Variants in DNAJC5 observed in about 807,000 individuals in gnomAD.
DNAJC5 encodes the protein DnaJ heat shock protein family (Hsp40) member C5, also known as dnaJ homolog subfamily C member 5.
Under a neutral mutation model 23.2 loss-of-function variants are expected in DNAJC5, and 1 was observed. The observed-to-expected ratio is 0.04, with a 90% CI of 0.02 to 0.20. DNAJC5 has a LOEUF of 0.20. DNAJC5 is among the 10% of genes least tolerant of loss of function. The probability of loss-of-function intolerance (pLI) is 1.00; values close to 1 mark genes in which losing one functional copy is unlikely to be tolerated. For synonymous variants in DNAJC5, 136 were observed against 120.0 expected, an observed-to-expected ratio of 1.13 and a Z score of -0.87; for missense variants, 180 against 267.0, an observed-to-expected ratio of 0.67 and a Z score of 2.27.
Position 63,931,020 on chromosome 20 carries a change from G to A in DNAJC5, c.491G>A (p.Arg164Lys), listed in dbSNP as rs762961919. Residue 164 changes from arginine to lysine, a missense_variant and splice_region_variant, in exon 4 of 5, where the codon AGG becomes AAG. Arg to Lys is a conservative substitution (Grantham distance 26, BLOSUM62 2). Around this residue, in one of 3 missense-constraint regions of DNAJC5, gnomAD observed 97 missense variants for 123.4 expected, o/e 0.79. Coordinates refer to ENST00000360864, the MANE Select transcript of DNAJC5 (RefSeq NM_025219.3). The surrounding 1 kb of genome is among the most constrained non-coding windows in gnomAD (Gnocchi z 9.6). ...GAGGCACAGCTGCAGTCTGACGAGA[G>A]GGGTGAGTGCCCGCCCCAGGGCCCG... ...DLEAQLQSDE[R>K]EATDTPIVIQ... The A allele has an allele frequency of 8.1e-6, 13 of 1,613,874 alleles. No homozygotes were observed. In the South Asian group the frequency reaches 1.1e-4, roughly 14 times the overall value.
rs1184394386 is a variant in DNAJC5, at chr20:63,928,647, C to T, written c.107+195C>T. ...CTTAAAGTTATGGTATTCATGTTCT[C>T]TTGCCAACAAAAAATAGCACTTAGT... is the stretch of plus-strand genomic sequence containing the variant. On this transcript the variant is annotated intron_variant, in intron 2 of 4. Coordinates refer to ENST00000360864, the MANE Select transcript of DNAJC5 (RefSeq NM_025219.3). This position sits in a 1 kb window ranked among gnomAD's most constrained non-coding sequence, Gnocchi z 4.6. Among the ~76,000 whole-genome samples, 1 of 152,202 alleles carries T rather than the reference C, an allele frequency of 6.6e-6. No homozygotes were observed. The highest frequency in any genetic ancestry group is 1.9e-4 in the East Asian group (1 of 5,194).
chr20:63,916,727 C>A (rs978729863), intron 1 of DNAJC5, among the ~76,000 whole-genome samples: 8 of 152,156 alleles, frequency 5.3e-5, no homozygotes, highest in African/African-American at 1.9e-4. Flanking sequence ...CTTATCTCAA[C>A]CACATAAGAC....
chr20:63,925,685 C>T (rs1236874159), intron 1 of DNAJC5, among the ~76,000 whole-genome samples: 2 of 149,214 alleles, frequency 1.3e-5, no homozygotes, highest in Non-Finnish European at 3.0e-5. Context: ...TGGCATTCAG[C>T]TGCCTCCTGC....
chr20:63,929,228 G>A lies in DNAJC5; in HGVS notation c.108-84G>A. The A allele has an allele frequency of 1.3e-6, 2 of 1,497,282 alleles. No individual in the cohort carries two copies. Among genetic ancestry groups the A allele is most frequent in the Non-Finnish European group, 1.8e-6 (2 of 1,097,216 alleles). The allele number at this position is 1,497,282 out of a possible 1,614,324, so 92.7% of individuals were successfully genotyped here. On this transcript the variant is annotated intron_variant, in intron 2 of 4. Transcript: ENST00000360864. This position sits in a 1 kb window ranked among gnomAD's most constrained non-coding sequence, Gnocchi z 8.6. ...GACCTGCCTTCCACTGCACCCGGCAGTGCGTGCGGGTGGGATGGACGCGGC... is the reference window on the plus strand; with the variant it reads ...GACCTGCCTTCCACTGCACCCGGCAATGCGTGCGGGTGGGATGGACGCGGC...
At chr20:63,904,564 C>T (rs982067885) in intron 1 of DNAJC5, among the ~76,000 whole-genome samples, 16 of 152,118 alleles carry the variant, frequency 1.1e-4, no homozygotes, top group African/African-American at 2.9e-4. Flanking sequence ...TCCAGGTGGG[C>T]GGACTGAGAT....
At chr20:63,925,318 TA>T (rs2053603505) in intron 1 of DNAJC5, among the ~76,000 whole-genome samples, 1 of 152,080 alleles carries the variant, frequency 6.6e-6, no homozygotes, top group African/African-American at 2.4e-5. Flanking sequence ...ACCCCATCTC[TA>T]CTAAAAATAC....
intron 1 of DNAJC5, among the ~76,000 whole-genome samples, chr20:63,897,063 T>G (rs2053380290): frequency 6.6e-6 from 1 of 152,198 alleles, no homozygotes; most frequent in African/African-American, 2.4e-5. Flanking sequence ...TTCGCAACTT[T>G]GAATCTATAA....
rs548249738 is a variant in DNAJC5 at position 63,904,992 on chromosome 20, C to T, written c.-12+9669C>T. Among the ~76,000 whole-genome samples, 25 of 149,570 alleles carry T rather than the reference C, an allele frequency of 1.7e-4. 1 individual carries two copies. In the South Asian group the frequency reaches 3.6e-3, roughly 22 times the overall value. ...CTAATTTTTGTATTTTTAGTCTAGA[C>T]GGGGGTTTCACCATGTTGGCCAGGC... On this transcript the variant is annotated intron_variant, in intron 1 of 4. Transcript: ENST00000360864.
chr20:63,905,102 CTT>C (rs537351736), intron 1 of DNAJC5, among the ~76,000 whole-genome samples: 2 of 136,546 alleles, frequency 1.5e-5, no homozygotes, highest in Non-Finnish European at 1.6e-5. Flanking sequence ...CCGTGCCTGG[CTT>C]TTTTTTTTTT....
chr20:63,931,184 T>C lies in DNAJC5; in HGVS notation c.493+162T>C. On this transcript the variant is annotated intron_variant, in intron 4 of 4. Coordinates refer to ENST00000360864, the MANE Select transcript of DNAJC5 (RefSeq NM_025219.3). This position sits in a 1 kb window ranked among gnomAD's most constrained non-coding sequence, Gnocchi z 9.6. Reference sequence around the variant, plus strand: ...TGAGGTGTGAACGTGGACCCTGAGGTAAAGCAGGCGCATAGAGCTGTCCCC... The same window carrying C: ...TGAGGTGTGAACGTGGACCCTGAGGCAAAGCAGGCGCATAGAGCTGTCCCC... 1 of 860,160 alleles carries C rather than the reference T, an allele frequency of 1.2e-6. No homozygotes were observed. Among genetic ancestry groups the C allele is most frequent in the Non-Finnish European group, 1.9e-6 (1 of 531,744 alleles). The allele number at this position is 860,160 out of a possible 1,614,324, so 53.3% of individuals were successfully genotyped here.
chr20:63,906,357 G>T (rs1335005885), intron 1 of DNAJC5, among the ~76,000 whole-genome samples: 2 of 152,072 alleles, frequency 1.3e-5, no homozygotes, highest in African/African-American at 4.8e-5. Context: ...CAGGTGTGGT[G>T]CAGGCACCTG....
At chr20:63,901,330 A>G (rs2053409987) in intron 1 of DNAJC5, among the ~76,000 whole-genome samples, 1 of 152,164 alleles carries the variant, frequency 6.6e-6, no homozygotes, top group African/African-American at 2.4e-5. Flanking sequence ...GATGGAATCG[A>G]CTTCCCAGCC....
intron 1 of DNAJC5, among the ~76,000 whole-genome samples, chr20:63,923,000 G>T (rs1287759385): frequency 6.6e-6 from 1 of 152,006 alleles, no homozygotes; most frequent in Admixed American, 6.6e-5. Flanking sequence ...AATTAGCCAG[G>T]CGTGGTGGTA....
chr20:63,928,167 G>A lies in DNAJC5; in HGVS notation c.-11-168G>A, dbSNP rs556256410. 1.9e-4 allele frequency among the ~76,000 whole-genome samples: 29 copies of A among 152,250 alleles called. No homozygotes were observed. Among genetic ancestry groups the A allele is most frequent in the African/African-American group, 5.3e-4 (22 of 41,536 alleles). On this transcript the variant is annotated intron_variant, in intron 1 of 4. Coordinates refer to ENST00000360864, the MANE Select transcript of DNAJC5 (RefSeq NM_025219.3). This position sits in a 1 kb window ranked among gnomAD's most constrained non-coding sequence, Gnocchi z 4.6. ...TCTCTTGGGGTGGCCGTATTCTGCC[G>A]TCTCACACTTCTCCATGCCATGGCG... is the stretch of plus-strand genomic sequence containing the variant.
chr20:63,905,934 C>T (rs910482780), intron 1 of DNAJC5, among the ~76,000 whole-genome samples: 1 of 151,660 alleles, frequency 6.6e-6, no homozygotes, highest in African/African-American at 2.4e-5. Context: ...GGGGTTTCAC[C>T]ATGTTGGCCA....
chr20:63,916,731 A>G lies in DNAJC5; in HGVS notation c.-11-11604A>G, dbSNP rs146044187. Among the ~76,000 whole-genome samples, 1,066 of 152,274 alleles carry G rather than the reference A, an allele frequency of 7.0e-3. 13 individuals carry two copies. The highest frequency in any genetic ancestry group is 0.025 in the African/African-American group (1,019 of 41,554). On this transcript the variant is annotated intron_variant, in intron 1 of 4. Transcript: ENST00000360864. Reference sequence around the variant, plus strand: ...GTATTTCAGTCCTTATCTCAACCACATAAGACAGGCACTCCCAGAGCAGCC... The same window carrying G: ...GTATTTCAGTCCTTATCTCAACCACGTAAGACAGGCACTCCCAGAGCAGCC...
intron 1 of DNAJC5, among the ~76,000 whole-genome samples, chr20:63,917,358 G>A (rs574909341): frequency 3.4e-4 from 52 of 152,106 alleles, no homozygotes; most frequent in East Asian, 1.7e-3. Flanking sequence ...GGGTTCAAGC[G>A]ATTCTCTTGC....
chr20:63,914,616 C>CTTTT (rs753653056), intron 1 of DNAJC5, among the ~76,000 whole-genome samples: 5 of 127,906 alleles, frequency 3.9e-5, no homozygotes, highest in Admixed American at 8.1e-5. Context: ...CGTGCCCGGC[C>CTTTT]TTTTTTTTTT....
At chr20:63,902,911 T>A (rs1342635812) in intron 1 of DNAJC5, among the ~76,000 whole-genome samples, 1 of 140,072 alleles carries the variant, frequency 7.1e-6, no homozygotes, top group African/African-American at 2.7e-5. Flanking sequence ...TCTCCTGACC[T>A]CGTGATCTGC....
Sources: allele counts gnomAD v4.1 joint callset (sites outside exome capture counted in the v4.1 genomes callset), GRCh38; gene constraint gnomAD v4.1.1; regional missense constraint gnomAD v4.1.1; non-coding constraint Gnocchi (gnomAD v3.1); transcripts MANE v1.5; gene names NCBI Gene and HGNC (gene_info 2026-07-23, HGNC 2026-07-21).